Variants in FBN3 observed in about 807,000 individuals in gnomAD.
FBN3 encodes the protein fibrillin 3.
Under a neutral mutation model 330.1 loss-of-function variants are expected in FBN3, and 234 were observed. That is an observed-to-expected ratio of 0.71 (90% CI 0.64 to 0.79). FBN3 has a LOEUF of 0.79. FBN3 is among the 30% of genes least tolerant of loss of function. The probability of loss-of-function intolerance (pLI) is 0.00; values close to 1 mark genes in which losing one functional copy is unlikely to be tolerated. For synonymous variants in FBN3, 1,458 were observed against 1,517.3 expected (o/e 0.96, Z 0.91); for missense variants, 3,606 against 3,886.9 (o/e 0.93, Z 1.92).
Position 8,126,619 on chromosome 19 carries a change from G to A in FBN3, c.2417-14C>T. ...CCTTGGTGCTGTCTGGGGAGAAGAG[G>A]CGGGTCACCTGTCTCACCTGCCGGC... On this transcript the variant is annotated splice_polypyrimidine_tract_variant and intron_variant, in intron 19 of 63. Coordinates refer to ENST00000600128, the MANE Select transcript of FBN3 (RefSeq NM_032447.5). 4 of 1,605,596 alleles carry A rather than the reference G, an allele frequency of 2.5e-6. No individual in the cohort carries two copies. The highest frequency in any genetic ancestry group is 3.4e-6 in the Non-Finnish European group (4 of 1,178,794).
Position 8,121,402 on chromosome 19 carries a change from G to GT in FBN3, c.3083-17_3083-16insA. 6.3e-7 allele frequency: 1 copy of GT among 1,584,366 alleles called. No individual in the cohort carries two copies. Among genetic ancestry groups the GT allele is most frequent in the Non-Finnish European group, 8.6e-7 (1 of 1,163,250 alleles). On this transcript the variant is annotated splice_polypyrimidine_tract_variant and intron_variant, in intron 24 of 63. Transcript: ENST00000600128. The surrounding 1 kb of genome is among the most constrained non-coding windows in gnomAD (Gnocchi z 4.5). Reference sequence around the variant, plus strand: ...TCGTCGATATCTGTGGGGAGAGGGGGCAGAGGCCGGAGGCGCCATGTGGGC... The same window carrying GT: ...TCGTCGATATCTGTGGGGAGAGGGGGTCAGAGGCCGGAGGCGCCATGTGGGC...
chr19:8,126,811 C>T lies in FBN3; in HGVS notation c.2318G>A (p.Ser773Asn). ...ICKDVDECLS[S>N]PCVSGVCRNL... ...CCGACAGACGCCACTCACACACGGGCTGGACAGGCATTCGTCGACATCTGT... is the reference window on the plus strand; with the variant it reads ...CCGACAGACGCCACTCACACACGGGTTGGACAGGCATTCGTCGACATCTGT... The change falls in exon 19 of 64, where the codon AGC (serine) becomes AAC (asparagine). Residue 773 changes from serine (S) to asparagine (N), a missense_variant. Coordinates refer to ENST00000600128, the MANE Select transcript of FBN3 (RefSeq NM_032447.5). 1 of 1,575,908 alleles carries T rather than the reference C, an allele frequency of 6.3e-7. No homozygotes were observed. The highest frequency in any genetic ancestry group is 8.6e-7 in the Non-Finnish European group (1 of 1,164,916).
chr19:8,070,886 G>A (rs534997292), intron 63 of FBN3, among the ~76,000 whole-genome samples: 18 of 152,244 alleles, frequency 1.2e-4, no homozygotes, highest in African/African-American at 3.9e-4. Flanking sequence ...GCTGGGCGTG[G>A]TGGTGCACGC....
rs974530094 is a variant in FBN3 at position 8,083,240 on chromosome 19, G to A, written c.7213+7C>T. The A allele has an allele frequency of 1.5e-5, 25 of 1,613,894 alleles. No homozygotes were observed. Among genetic ancestry groups the A allele is most frequent in the Non-Finnish European group, 1.9e-5 (22 of 1,179,998 alleles). On this transcript the variant is annotated splice_region_variant and intron_variant, in intron 57 of 63. Transcript: ENST00000600128. ...CCAAGGGTGCAGGTGCAGAGGGCTG[G>A]GCTCACCCAGGCAGGTAGTAGCAGT... is the stretch of plus-strand genomic sequence containing the variant.
At chr19:8,074,802 A>G (rs1473882206) in intron 61 of FBN3, 1 of 430,336 alleles carries the variant, frequency 2.3e-6, no homozygotes, top group Non-Finnish European at 4.1e-6. Context: ...CTGTGATCAC[A>G]AAATTGCAGA....
At position 8,123,857 on chromosome 19, in the gene FBN3, C is replaced by T; in HGVS notation, c.2883G>A (p.Glu961=). ...GCCCCCGCGGGCACAGGCTGGCGAA[C>T]TCCAGAGACTCGGGATCCGGGCAGG... The part of the protein sequence containing the change: ...CEACPDPESL[E]FASLCPRGLG... The change falls in exon 23 of 64, where the codon GAG becomes GAA. Residue 961 remains glutamate, a synonymous_variant. Transcript: ENST00000600128. 1 of 1,612,892 alleles carries T rather than the reference C, an allele frequency of 6.2e-7. No individual in the cohort carries two copies. Among genetic ancestry groups the T allele is most frequent in the Middle Eastern group, 1.7e-4 (1 of 6,022 alleles).
intron 25 of FBN3, among the ~76,000 whole-genome samples, chr19:8,120,797 G>A (rs1008209322): frequency 1.3e-5 from 2 of 152,196 alleles, no homozygotes; most frequent in South Asian, 2.1e-4. Flanking sequence ...TTTCCTCAGC[G>A]ATTCATGTTA....
chr19:8,146,318 G>A (rs2083545553), intron 3 of FBN3, 93 bp from the exon 4 acceptor site: 4 of 988,476 alleles, frequency 4.0e-6, no homozygotes, highest in Admixed American at 2.1e-5. Context: ...ACACCTCAGT[G>A]GACGCTGCTG....
At position 8,142,155 on chromosome 19, in the gene FBN3, G is replaced by A. The variant is rs993393589; in HGVS notation, c.542-18C>T. ...CCGGTAATCTGCAGGGCAGACAGAT[G>A]TGGGTACCTGGCTGAGGGCTGCCCC... On this transcript the variant is annotated intron_variant, in intron 6 of 63. Transcript: ENST00000600128. The A allele has an allele frequency of 6.3e-7, 1 of 1,587,316 alleles. No individual in the cohort carries two copies. The highest frequency in any genetic ancestry group is 1.3e-5 in the African/African-American group (1 of 74,458).
chr19:8,118,836 T>C, intron 26 of FBN3, 61 bp downstream of exon 26: 5 of 1,566,312 alleles, frequency 3.2e-6, no homozygotes, highest in Non-Finnish European at 4.4e-6. Context: ...TCACCAGACA[T>C]CCACTCACTT....
Position 8,109,747 on chromosome 19 carries a change from T to C in FBN3, c.4340A>G (p.Asn1447Ser). 2 of 1,515,306 alleles carry C rather than the reference T, an allele frequency of 1.3e-6. No individual in the cohort carries two copies. The highest frequency in any genetic ancestry group is 1.8e-6 in the Non-Finnish European group (2 of 1,131,542). The allele number at this position is 1,515,306 out of a possible 1,614,324, so 93.9% of individuals were successfully genotyped here. A position where few individuals can be genotyped will look rare whatever the true frequency, so the allele number is the denominator to read the frequency against. The change falls in exon 35 of 64, where the codon AAC (asparagine) becomes AGC (serine). Residue 1447 changes from asparagine (N) to serine (S), a missense_variant. Transcript: ENST00000600128. This position sits in a 1 kb window ranked among gnomAD's most constrained non-coding sequence, Gnocchi z 5.2. Reference sequence around the variant, plus strand: ...GCAGTTTACTGGGTCTGCACACTCGTTGATGTCTGTAGGGAGGAAGCGCGG... The same window carrying C: ...GCAGTTTACTGGGTCTGCACACTCGCTGATGTCTGTAGGGAGGAAGCGCGG... ...DRGGGNCTDI[N>S]ECADPVNCIN...
Position 8,117,477 on chromosome 19 carries a change from G to A in FBN3, c.3450C>T (p.Arg1150=). The A allele has an allele frequency of 1.3e-6, 2 of 1,560,936 alleles. No homozygotes were observed. The highest frequency in any genetic ancestry group is 1.2e-5 in the South Asian group (1 of 84,608). Residue 1150 remains arginine (R), a synonymous_variant, in exon 27 of 64, where the codon CGC becomes CGT. Transcript: ENST00000600128. The part of the protein sequence containing the change: ...CHAGFQSTPD[R]QGCVDINECR... ...GCACAGTCTCACCCACGCAGCCCTGGCGGTCAGGTGTGCTCTGGAAGCCGG... is the reference window on the plus strand; with the variant it reads ...GCACAGTCTCACCCACGCAGCCCTGACGGTCAGGTGTGCTCTGGAAGCCGG...
chr19:8,116,679 CAT>C lies in FBN3; in HGVS notation c.3705_3706del (p.Val1237Ter). The C allele has an allele frequency of 1.2e-6, 2 of 1,612,826 alleles. No homozygotes were observed. Among genetic ancestry groups the C allele is most frequent in the Non-Finnish European group, 1.7e-6 (2 of 1,179,062 alleles). On this transcript the variant is annotated frameshift_variant, in exon 29 of 64. Coordinates refer to ENST00000600128, the MANE Select transcript of FBN3 (RefSeq NM_032447.5). LOFTEE classifies it high-confidence loss of function. ...CCACCGTCCCGGCTCCTCACCAACACATGTCCTCATGTCTGGCGTGGCCATGA... is the reference window on the plus strand; with the variant it reads ...CCACCGTCCCGGCTCCTCACCAACACGTCCTCATGTCTGGCGTGGCCATGA...
rs1302753107 is a variant in FBN3 at position 8,110,945 on chromosome 19, C to T, written c.4233G>A (p.Gly1411=). ...CACAGCTCCCAAATGCACAGAGGTT[C>T]CCTTGCGCACACTCGTCCACATCTG... ...ACQDVDECAQ[G]NLCAFGSCEN... is the part of the protein sequence containing the mutation. The change falls in exon 34 of 64, where the codon GGG becomes GGA. Residue 1411 remains glycine, a synonymous_variant. Coordinates refer to ENST00000600128, the MANE Select transcript of FBN3 (RefSeq NM_032447.5). 3.1e-6 allele frequency: 5 copies of T among 1,614,276 alleles called. No homozygotes were observed. Among genetic ancestry groups the T allele is most frequent in the Middle Eastern group, 1.6e-4 (1 of 6,062 alleles).
chr19:8,135,063 C>T (rs1310259795), intron 13 of FBN3, among the ~76,000 whole-genome samples: 1 of 151,556 alleles, frequency 6.6e-6, no homozygotes, highest in Non-Finnish European at 1.5e-5. Context: ...ACTGCAGCCC[C>T]GAACTCCTGG....
chr19:8,138,377 CA>C, intron 9 of FBN3, 34 bp downstream of exon 9: 1 of 1,610,088 alleles, frequency 6.2e-7, no homozygotes, highest in South Asian at 1.1e-5. Flanking sequence ...GTCCCCTCCT[CA>C]CCCACAGCCC....
chr19:8,137,609 C>CTTAT (rs3075768), intron 10 of FBN3, among the ~76,000 whole-genome samples: 7,847 of 146,458 alleles, frequency 0.054, 274 homozygotes, highest in African/African-American at 0.1. Context: ...CGAACTCTGA[C>CTTAT]TTATTTATTT....
chr19:8,121,448 A>AG lies in FBN3; in HGVS notation c.3083-63dup, dbSNP rs2082848611. 6 of 1,475,942 alleles carry AG rather than the reference A, an allele frequency of 4.1e-6. No homozygotes were observed. Among genetic ancestry groups the AG allele is most frequent in the Admixed American group, 4.7e-5 (2 of 42,240 alleles). The allele number at this position is 1,475,942 out of a possible 1,614,324, so 91.4% of individuals were successfully genotyped here. On this transcript the variant is annotated intron_variant, in intron 24 of 63. Coordinates refer to ENST00000600128, the MANE Select transcript of FBN3 (RefSeq NM_032447.5). The surrounding 1 kb of genome is among the most constrained non-coding windows in gnomAD (Gnocchi z 4.5). Reference sequence around the variant, plus strand: ...TGGGCCGCATCATGGGGCACGAGGCAGGGGGGTCCCTGTCCTTTGATGGAG... The same window carrying AG: ...TGGGCCGCATCATGGGGCACGAGGCAGGGGGGGTCCCTGTCCTTTGATGGAG...
Position 8,068,200 on chromosome 19 carries a change from C to A in FBN3, c.8089-1940G>T, listed in dbSNP as rs1203443830. Among the ~76,000 whole-genome samples, 3 of 149,158 alleles carry A rather than the reference C, an allele frequency of 2.0e-5. No individual in the cohort carries two copies. The Admixed American group carries it at 2.0e-4, about 10-fold the overall frequency. On this transcript the variant is annotated intron_variant, in intron 63 of 63. Transcript: ENST00000600128. ...AGGAGATTGAGACCATCCTGGCTAACAAGGTGAAACCCCATCTCTACTAAA... is the reference window on the plus strand; with the variant it reads ...AGGAGATTGAGACCATCCTGGCTAAAAAGGTGAAACCCCATCTCTACTAAA...
Sources: gnomAD v4.1 joint callset for allele counts (sites outside exome capture counted in the v4.1 genomes callset) on GRCh38, gnomAD v4.1.1 for gene constraint, Gnocchi (gnomAD v3.1) non-coding constraint, MANE v1.5 for transcripts, NCBI Gene and HGNC (gene_info 2026-07-23, HGNC 2026-07-21) for gene names.